RBMS3: variants seen among roughly 807,000 people sequenced by gnomAD.
The protein encoded by RBMS3 is RNA binding motif single stranded interacting protein 3.
RBMS3 carries 27 observed loss-of-function variants against 66.8 expected under a neutral mutation model. That is an observed-to-expected ratio of 0.40 (90% confidence interval 0.30 to 0.56). The LOEUF (loss-of-function observed/expected upper bound fraction) is 0.56, where lower values mean the gene tolerates loss of function less well. Among genes scored for constraint, RBMS3 ranks in the 20% least tolerant of loss-of-function variants. RBMS3 has a pLI of 0.40. For synonymous variants in RBMS3, 188 were observed against 183.0 expected (o/e 1.03, Z -0.22); for missense variants, 513 against 549.5 (o/e 0.93, Z 0.66).
rs1431231713 is a variant in RBMS3 at position 29,432,557 on chromosome 3, A to G, written c.76-2186A>G. ...CTTTATTCCATTTTTTATTATATATATAGTAACCTAAATATTTCTCAAGCA... is the reference window on the plus strand; with the variant it reads ...CTTTATTCCATTTTTTATTATATATGTAGTAACCTAAATATTTCTCAAGCA... On this transcript the variant is annotated intron_variant, in intron 1 of 14. Transcript: ENST00000383767. Among the ~76,000 whole-genome samples the G allele has an allele frequency of 2.6e-5, 4 of 152,300 alleles. No homozygotes were observed. In the East Asian group the frequency reaches 5.8e-4, roughly 22 times the overall value.
intron 2 of RBMS3, among the ~76,000 whole-genome samples, chr3:29,468,182 G>A (rs562064504): frequency 2.0e-5 from 3 of 152,260 alleles, no homozygotes; most frequent in South Asian, 4.1e-4. Flanking sequence ...TGGTTTTTAA[G>A]TGAACTTAGG....
At chr3:29,844,826 G>A (rs2058741021) in intron 6 of RBMS3, among the ~76,000 whole-genome samples, 1 of 152,228 alleles carries the variant, frequency 6.6e-6, no homozygotes, top group African/African-American at 2.4e-5. Flanking sequence ...GTCTAAATAA[G>A]ATAGATCATA....
At chr3:29,340,862 A>T (rs991191118) in intron 1 of RBMS3, among the ~76,000 whole-genome samples, 1 of 152,138 alleles carries the variant, frequency 6.6e-6, no homozygotes, top group Admixed American at 6.6e-5. Context: ...TTCCTATTAT[A>T]TATATCATTT....
At chr3:29,895,679 T>C (rs1229048507) in intron 8 of RBMS3, among the ~76,000 whole-genome samples, 1 of 151,598 alleles carries the variant, frequency 6.6e-6, no homozygotes, top group African/African-American at 2.4e-5. Context: ...CAAGCATGAA[T>C]AAAGTCTGTA....
intron 10 of RBMS3, among the ~76,000 whole-genome samples, chr3:29,901,372 C>T (rs1416450648): frequency 6.6e-6 from 1 of 151,976 alleles, no homozygotes; most frequent in African/African-American, 2.4e-5. Context: ...ACTTAGTCCT[C>T]ATACTGAGTT....
At chr3:29,327,199 G>A (rs373333795) in intron 1 of RBMS3, among the ~76,000 whole-genome samples, 15 of 152,218 alleles carry the variant, frequency 9.9e-5, no homozygotes, top group East Asian at 9.6e-4. Context: ...TTGCCATAAG[G>A]ACATGATTTA....
chr3:29,987,098 A>C (rs2149793062), intron 12 of RBMS3, among the ~76,000 whole-genome samples: 1 of 152,344 alleles, frequency 6.6e-6, no homozygotes, highest in Non-Finnish European at 1.5e-5. Context: ...ACATGAACTT[A>C]GTATTTGATC....
At position 29,685,917 on chromosome 3, in the gene RBMS3, A is replaced by G. The variant is rs1186432899; in HGVS notation, c.400-53803A>G. 1.8e-4 allele frequency among the ~76,000 whole-genome samples: 27 copies of G among 152,164 alleles called. 1 individual carries two copies. The highest frequency in any genetic ancestry group is 1.8e-3 in the Admixed American group (27 of 15,280). ...GTGCCTGGCAGCTGGGTGAATCAGG[A>G]AGACTTCTAACGTTAGTTTTCCCAT... is the stretch of plus-strand genomic sequence containing the variant. On this transcript the variant is annotated intron_variant, in intron 4 of 14. Transcript: ENST00000383767.
intron 4 of RBMS3, 83 bp from the exon 5 acceptor site, chr3:29,739,637 G>T (rs1000443397): frequency 1.9e-5 from 24 of 1,253,176 alleles, no homozygotes; most frequent in Non-Finnish European, 2.5e-5. Flanking sequence ...TATCTAGATT[G>T]CAGTTTAAAC....
chr3:29,350,055 G>A (rs977728862), intron 1 of RBMS3, among the ~76,000 whole-genome samples: 4 of 151,864 alleles, frequency 2.6e-5, no homozygotes, highest in Admixed American at 6.6e-5. Context: ...AGCTACTCGG[G>A]CGGCTGAGGC....
chr3:29,688,502 A>G (rs764682449), intron 4 of RBMS3, among the ~76,000 whole-genome samples: 24 of 148,236 alleles, frequency 1.6e-4, no homozygotes, highest in Non-Finnish European at 2.8e-4. Context: ...CTGGTTTAGT[A>G]TATAAATTTG....
intron 1 of RBMS3, among the ~76,000 whole-genome samples, chr3:29,283,450 A>G (rs151091243): frequency 7.2e-5 from 11 of 152,276 alleles, no homozygotes; most frequent in South Asian, 6.2e-4. Context: ...GATGAGCTAT[A>G]CTAGTAGAAA....
At chr3:29,507,497 GAAAAA>G (rs11309816) in intron 3 of RBMS3, among the ~76,000 whole-genome samples, 2 of 150,530 alleles carry the variant, frequency 1.3e-5, no homozygotes, top group Non-Finnish European at 3.0e-5. Context: ...TATTAATTGC[GAAAAA>G]AAAAGACAAA....
chr3:29,330,380 C>T (rs572891770), intron 1 of RBMS3, among the ~76,000 whole-genome samples: 1 of 152,224 alleles, frequency 6.6e-6, no homozygotes, highest in African/African-American at 2.4e-5. Context: ...GTACTGGATA[C>T]ACTTTGGAAG....
intron 4 of RBMS3, among the ~76,000 whole-genome samples, chr3:29,657,347 A>G (rs1361698560): frequency 6.6e-6 from 1 of 152,206 alleles, no homozygotes; most frequent in African/African-American, 2.4e-5. Context: ...CATTAAATAT[A>G]TCTCACACTA....
At chr3:29,689,056 T>C (rs1419736118) in intron 4 of RBMS3, among the ~76,000 whole-genome samples, 1 of 151,988 alleles carries the variant, frequency 6.6e-6, no homozygotes, top group African/African-American at 2.4e-5. Flanking sequence ...AAAATACACA[T>C]CTATATCTAT....
chr3:29,311,220 C>G (rs1202101257), intron 1 of RBMS3, among the ~76,000 whole-genome samples: 2 of 151,750 alleles, frequency 1.3e-5, no homozygotes, highest in Non-Finnish European at 2.9e-5. Flanking sequence ...TTGTTAGGTT[C>G]TCTTATTATC....
At chr3:29,537,871 A>G (rs935925194) in intron 3 of RBMS3, among the ~76,000 whole-genome samples, 2 of 151,796 alleles carry the variant, frequency 1.3e-5, no homozygotes, top group African/African-American at 2.4e-5. Context: ...CCCCGATACC[A>G]TGACTTTGAA....
intron 4 of RBMS3, among the ~76,000 whole-genome samples, chr3:29,728,284 C>T (rs115392576): frequency 0.1 from 15,235 of 151,686 alleles, 1,360 homozygotes; most frequent in African/African-American, 0.24. Context: ...GATGACGGGT[C>T]GATAGGTGCA....
Sources: allele counts gnomAD v4.1 joint callset (sites outside exome capture counted in the v4.1 genomes callset), GRCh38; gene constraint gnomAD v4.1.1; transcripts MANE v1.5; gene names NCBI Gene and HGNC (gene_info 2026-07-23, HGNC 2026-07-21).